Variants in SLK observed in about 807,000 individuals in gnomAD.
SLK encodes the protein STE20-like serine/threonine-protein kinase.
A neutral mutation model predicts 147.7 loss-of-function variants in SLK; 67 were observed. That is an observed-to-expected ratio of 0.45 (90% confidence interval 0.37 to 0.56). The LOEUF (loss-of-function observed/expected upper bound fraction) is 0.56, where lower values mean the gene tolerates loss of function less well. SLK is among the 20% of genes least tolerant of loss of function. The probability of loss-of-function intolerance (pLI) is 0.00; values close to 1 mark genes in which losing one functional copy is unlikely to be tolerated. For missense variants in SLK, 1,136 were observed against 1,438.8 expected, an observed-to-expected ratio of 0.79 and a Z score of 3.41; for synonymous variants, 441 against 475.0, an observed-to-expected ratio of 0.93 and a Z score of 0.93.
At chr10:103,986,670 T>G (rs1564653030) in intron 1 of SLK, among the ~76,000 whole-genome samples, 3 of 81,670 alleles carry the variant, frequency 3.7e-5, no homozygotes, top group African/African-American at 1.7e-4. Flanking sequence ...TGTGAAGAGT[T>G]TTTTTTTTTT....
intron 1 of SLK, among the ~76,000 whole-genome samples, chr10:103,982,155 C>T (rs753824292): frequency 1.3e-5 from 2 of 152,090 alleles, no homozygotes; most frequent in East Asian, 1.9e-4. Context: ...AGACGTGGTA[C>T]ATTTTTTGTC....
chr10:104,002,998 A>G lies in SLK; in HGVS notation c.1820A>G (p.Glu607Gly), dbSNP rs757393380. 1.2e-6 allele frequency: 2 copies of G among 1,613,766 alleles called. No individual in the cohort carries two copies. The highest frequency in any genetic ancestry group is 1.1e-5 in the South Asian group (1 of 91,046). ...TKEVPIKEIV[E>G]MNEIEEGKNK... ...GAAGTTCCTATTAAAGAAATAGTTGAAATGAATGAAATAGAAGAAGGTAAA... is the reference window on the plus strand; with the variant it reads ...GAAGTTCCTATTAAAGAAATAGTTGGAATGAATGAAATAGAAGAAGGTAAA... Residue 607 changes from glutamate to glycine, a missense_variant, in exon 9 of 19, where the codon GAA becomes GGA. Glu to Gly is a moderately conservative substitution (Grantham distance 98). This residue lies in a region of SLK where 516 missense variants were observed against 531.3 expected (regional missense o/e 0.97). Transcript: ENST00000369755.
At chr10:104,024,939 C>G (rs1256027824) in intron 18 of SLK, among the ~76,000 whole-genome samples, 1 of 152,170 alleles carries the variant, frequency 6.6e-6, no homozygotes, top group East Asian at 1.9e-4. Context: ...TGACCTCATC[C>G]CTTCTCAGAG....
Position 104,011,024 on chromosome 10 carries a change from C to G in SLK, c.2877+116C>G, listed in dbSNP as rs1172129227. The stretch of plus-strand genomic sequence containing the variant: ...TTATTATTATATGATGTTGACTTCT[C>G]CCCATTCAAAAACTCCTGGAATCTT... On this transcript the variant is annotated intron_variant, in intron 13 of 18. Coordinates refer to ENST00000369755, the MANE Select transcript of SLK (RefSeq NM_014720.4). The G allele has an allele frequency of 5.7e-6, 3 of 521,812 alleles. No homozygotes were observed. In the African/African-American group the frequency reaches 5.9e-5, roughly 10 times the overall value. The allele number at this position is 521,812 out of a possible 1,614,324, so 32.3% of individuals were successfully genotyped here.
rs753264153 is a variant in SLK at position 103,999,207 on chromosome 10, A to G, written c.676A>G (p.Ile226Val). Residue 226 changes from isoleucine to valine, a missense_variant, in exon 6 of 19, where the codon ATA becomes GTA. Transcript: ENST00000369755. ...ADVWSLGITL[I>V]EMAEIEPPHH... ...TGTTTGGTCCCTGGGTATCACTTTA[A>G]TAGAAATGGCTGAGATAGAACCACC... 6.2e-7 allele frequency: 1 copy of G among 1,613,838 alleles called. No homozygotes were observed. Among genetic ancestry groups the G allele is most frequent in the Middle Eastern group, 1.7e-4 (1 of 6,058 alleles).
At chr10:104,013,462 C>T (rs1014557934) in intron 13 of SLK, among the ~76,000 whole-genome samples, 2 of 152,238 alleles carry the variant, frequency 1.3e-5, no homozygotes, top group Non-Finnish European at 2.9e-5. Flanking sequence ...GTTTGGAAAC[C>T]ACTGATCTAG....
In SLK at chr10:104,026,497, A is replaced by C. The variant is rs1844601101; in HGVS notation, c.*777A>C. The C allele has an allele frequency of 6.6e-6, 1 of 152,338 alleles. No homozygotes were observed. The highest frequency in any genetic ancestry group is 1.5e-5 in the Non-Finnish European group (1 of 68,028). The allele number at this position is 152,338 out of a possible 1,614,324, so 9.4% of individuals were successfully genotyped here. On this transcript the variant is annotated 3_prime_UTR_variant, in exon 19 of 19. Transcript: ENST00000369755. ...TTTTCATCCTAAAATACATGTACAA[A>C]GTTTGGAAAGATGAAAAAAAGAGGT...
intron 12 of SLK, among the ~76,000 whole-genome samples, chr10:104,008,819 A>G (rs1413214634): frequency 4.6e-5 from 7 of 152,170 alleles, no homozygotes; most frequent in Non-Finnish European, 1.0e-4. Flanking sequence ...TTCATCTTTA[A>G]TTCATACTTT....
At position 104,002,791 on chromosome 10, in the gene SLK, A is replaced by G. The variant is rs1844268789; in HGVS notation, c.1613A>G (p.Gln538Arg). 1 of 1,614,150 alleles carries G rather than the reference A, an allele frequency of 6.2e-7. No homozygotes were observed. Among genetic ancestry groups the G allele is most frequent in the Non-Finnish European group, 8.5e-7 (1 of 1,180,028 alleles). The change falls in exon 9 of 19, where the codon CAA becomes CGA. Residue 538 changes from glutamine to arginine, a missense_variant. Coordinates refer to ENST00000369755, the MANE Select transcript of SLK (RefSeq NM_014720.4). ...QEKLGEDDKT[Q>R]KDVISNTSDV... is the part of the protein sequence containing the mutation. ...AAATTGGGGGAAGACGACAAAACTC[A>G]AAAAGATGTGATCAGCAATACAAGT...
rs1243143640 is a variant in SLK, at chr10:104,002,531, A to G, written c.1353A>G (p.Lys451=). The G allele has an allele frequency of 6.2e-7, 1 of 1,610,136 alleles. No individual in the cohort carries two copies. The highest frequency in any genetic ancestry group is 1.3e-5 in the African/African-American group (1 of 74,534). The part of the protein sequence containing the change: ...TVDINSVSEG[K]ENNIMITLET... ...ACATTAATTCAGTCAGTGAAGGAAA[A>G]GAGAATAATATAATGATAACCTTAG... The change falls in exon 9 of 19, where the codon AAA becomes AAG. Residue 451 remains lysine, a synonymous_variant. Coordinates refer to ENST00000369755, the MANE Select transcript of SLK (RefSeq NM_014720.4).
At chr10:104,011,032 A>T in intron 13 of SLK, 124 bp downstream of exon 13, 1 of 495,048 alleles carries the variant, frequency 2.0e-6, no homozygotes, top group Non-Finnish European at 3.4e-6. Flanking sequence ...CTCCCCATTC[A>T]AAAACTCCTG....
At chr10:103,967,932 T>A (rs781725288) in intron 1 of SLK, 37 bp downstream of exon 1, 1 of 1,608,120 alleles carries the variant, frequency 6.2e-7, no homozygotes. Context: ...ACTGCGAAGG[T>A]AAAACAGCCA....
At chr10:104,025,138 T>C (rs1263185141) in intron 18 of SLK, among the ~76,000 whole-genome samples, 1 of 152,182 alleles carries the variant, frequency 6.6e-6, no homozygotes, top group African/African-American at 2.4e-5. Context: ...TATAGTCTAG[T>C]GTGAAAGAAA....
chr10:103,996,061 G>C (rs1266775478), intron 4 of SLK, among the ~76,000 whole-genome samples: 1 of 152,082 alleles, frequency 6.6e-6, no homozygotes. Context: ...TCCTTATGTT[G>C]ATGTGTCTTT....
At chr10:103,991,208 A>G (rs1382013054) in intron 2 of SLK, among the ~76,000 whole-genome samples, 4 of 152,158 alleles carry the variant, frequency 2.6e-5, no homozygotes, top group Admixed American at 2.0e-4. Context: ...ATAATTTTTT[A>G]TCCTAAACTT....
chr10:104,010,790 A>T, intron 12 of SLK, 26 bp from the exon 13 acceptor site: 1 of 1,394,592 alleles, frequency 7.2e-7, no homozygotes, highest in Non-Finnish European at 9.7e-7. Context: ...TCATTTCCCC[A>T]CCTCCTGCAT....
chr10:103,999,838 A>T, intron 6 of SLK, 29 bp from the exon 7 acceptor site: 5 of 936,292 alleles, frequency 5.3e-6, no homozygotes, highest in Non-Finnish European at 8.4e-6. Context: ...AGAAAGTAAA[A>T]TAGAATGTTG....
At chr10:104,005,513 C>T in intron 9 of SLK, 48 bp from the exon 10 acceptor site, 1 of 1,525,446 alleles carries the variant, frequency 6.6e-7, no homozygotes, top group Non-Finnish European at 8.8e-7. Context: ...TGTTTTCTAC[C>T]TCCAGTATTC....
intron 1 of SLK, among the ~76,000 whole-genome samples, chr10:103,983,172 T>C (rs1294389879): frequency 6.6e-6 from 1 of 152,248 alleles, no homozygotes; most frequent in Non-Finnish European, 1.5e-5. Flanking sequence ...GTGTGTTTGC[T>C]AAATGATGAT....
Sources: allele counts gnomAD v4.1 joint callset (sites outside exome capture counted in the v4.1 genomes callset), GRCh38; gene constraint gnomAD v4.1.1; regional missense constraint gnomAD v4.1.1; transcripts MANE v1.5; gene names NCBI Gene and HGNC (gene_info 2026-07-23, HGNC 2026-07-21).